Variants in GALNT18 observed in about 807,000 individuals in gnomAD.
GALNT18 encodes GalNAc-transferase 18.
A neutral mutation model predicts 69.5 loss-of-function variants in GALNT18; 44 were observed. The ratio of observed to expected loss-of-function variants is 0.63; its 90% CI spans 0.50 to 0.81. The LOEUF (loss-of-function observed/expected upper bound fraction) is 0.81, where lower values mean the gene tolerates loss of function less well. GALNT18 is among the 40% of genes least tolerant of loss of function. The pLI is 0.00. For missense variants in GALNT18, 715 were observed against 810.0 expected, an observed-to-expected ratio of 0.88 and a Z score of 1.42; for synonymous variants, 364 against 318.2, an observed-to-expected ratio of 1.14 and a Z score of -1.53.
chr11:11,425,728 T>A (rs1855114551), intron 3 of GALNT18, among the ~76,000 whole-genome samples: 1 of 152,224 alleles, frequency 6.6e-6, no homozygotes, highest in Non-Finnish European at 1.5e-5. Flanking sequence ...GGGCACTTGC[T>A]CTGTGCCAGG....
chr11:11,277,694 T>C (rs1040126431), intron 10 of GALNT18, among the ~76,000 whole-genome samples: 2 of 152,230 alleles, frequency 1.3e-5, no homozygotes, highest in African/African-American at 4.8e-5. Flanking sequence ...GATTCTGGTA[T>C]GTTGTGTCTT....
rs1422012542 is a variant in GALNT18, at chr11:11,621,292, C to A, written c.235+67G>T. On this transcript the variant is annotated intron_variant, in intron 1 of 10. Coordinates refer to ENST00000227756, the MANE Select transcript of GALNT18 (RefSeq NM_198516.3). This position sits in a 1 kb window ranked among gnomAD's most constrained non-coding sequence, Gnocchi z 9.3. ...CTGAGTTGATGCGCACCAGCCCCAG[C>A]GCACCCCGCGCCGCGCGGGGCACTC... is the stretch of plus-strand genomic sequence containing the variant. The A allele has an allele frequency of 1.2e-5, 16 of 1,341,668 alleles. No homozygotes were observed. The highest frequency in any genetic ancestry group is 2.1e-4 in the Middle Eastern group (1 of 4,714). The allele number at this position is 1,341,668 out of a possible 1,614,324, so 83.1% of individuals were successfully genotyped here. A position where few individuals can be genotyped will look rare whatever the true frequency, so the allele number is the denominator to read the frequency against.
rs187407773 is a variant in GALNT18, at chr11:11,277,291, T to A, written c.1678-6001A>T. On this transcript the variant is annotated intron_variant, in intron 10 of 10. Coordinates refer to ENST00000227756, the MANE Select transcript of GALNT18 (RefSeq NM_198516.3). Reference sequence around the variant, plus strand: ...CCATTTCTTCTAGATTTTCTAGTTTTTTTGTGTAGAGGTGTTTACAGTATT... The same window carrying A: ...CCATTTCTTCTAGATTTTCTAGTTTATTTGTGTAGAGGTGTTTACAGTATT... Among the ~76,000 whole-genome samples the A allele has an allele frequency of 2.9e-3, 444 of 152,304 alleles. 4 individuals are homozygous for A. Among genetic ancestry groups the A allele is most frequent in the African/African-American group, 9.9e-3 (413 of 41,562 alleles).
rs1343881505 is a variant in GALNT18 at position 11,606,690 on chromosome 11, C to G, written c.235+14669G>C. On this transcript the variant is annotated intron_variant, in intron 1 of 10. Transcript: ENST00000227756. The surrounding 1 kb of genome is among the most constrained non-coding windows in gnomAD (Gnocchi z 5.4). ...GCCCACCTCTTTGTCCCATAAGCACCTGGTTTCATCTGAGGACAAACAAGT... is the reference window on the plus strand; with the variant it reads ...GCCCACCTCTTTGTCCCATAAGCACGTGGTTTCATCTGAGGACAAACAAGT... Among the ~76,000 whole-genome samples, 2 of 152,140 alleles carry G rather than the reference C, an allele frequency of 1.3e-5. No homozygotes were observed. Among genetic ancestry groups the G allele is most frequent in the African/African-American group, 2.4e-5 (1 of 41,442 alleles).
chr11:11,412,575 C>T (rs1854756010), intron 3 of GALNT18, among the ~76,000 whole-genome samples: 1 of 152,224 alleles, frequency 6.6e-6, no homozygotes, highest in South Asian at 2.1e-4. Flanking sequence ...CAAGGTCTAA[C>T]CCTGGTCTCT....
chr11:11,293,011 G>A lies in GALNT18; in HGVS notation c.1677+18C>T, dbSNP rs182930467. 766 of 1,350,886 alleles carry A rather than the reference G, an allele frequency of 5.7e-4. 4 individuals carry two copies. The African/African-American group carries it at 9.7e-3, about 17-fold the overall frequency. 83.7% of individuals were successfully genotyped at this position (1,350,886 alleles called of 1,614,324 possible). A position where few individuals can be genotyped will look rare whatever the true frequency, so the allele number is the denominator to read the frequency against. ...TTCCACGATGGCTGCCACTGTGCCC[G>A]GGCTCTGGGGCTGTTACCTGAGAGA... On this transcript the variant is annotated intron_variant, in intron 10 of 10. Coordinates refer to ENST00000227756, the MANE Select transcript of GALNT18 (RefSeq NM_198516.3).
chr11:11,492,431 A>G (rs1029385313), intron 1 of GALNT18, among the ~76,000 whole-genome samples: 14 of 152,246 alleles, frequency 9.2e-5, no homozygotes, highest in African/African-American at 2.4e-5. Flanking sequence ...CAACAGAGAA[A>G]AGCACAGGGT....
At chr11:11,594,365 G>A (rs1259469813) in intron 1 of GALNT18, among the ~76,000 whole-genome samples, 1 of 152,174 alleles carries the variant, frequency 6.6e-6, no homozygotes, top group Non-Finnish European at 1.5e-5. Flanking sequence ...CAATTCAATG[G>A]TTTTTAGTTG....
intron 9 of GALNT18, among the ~76,000 whole-genome samples, chr11:11,293,609 C>T (rs981467478): frequency 4.9e-5 from 6 of 123,320 alleles, no homozygotes; most frequent in Non-Finnish European, 7.9e-5. Context: ...GGCGCTATTT[C>T]GGCTCACTGC....
chr11:11,473,670 A>G (rs115971985), intron 1 of GALNT18, among the ~76,000 whole-genome samples: 2 of 151,982 alleles, frequency 1.3e-5, no homozygotes, highest in East Asian at 1.9e-4. Flanking sequence ...GTATGCACAC[A>G]GGGGGAGAGA....
At chr11:11,483,543 T>C (rs1856580282) in intron 1 of GALNT18, among the ~76,000 whole-genome samples, 1 of 152,186 alleles carries the variant, frequency 6.6e-6, no homozygotes, top group South Asian at 2.1e-4. Context: ...GGCAGATGGA[T>C]CTGAAAATGT....
chr11:11,569,815 C>G (rs1453645391), intron 1 of GALNT18, among the ~76,000 whole-genome samples: 1 of 151,954 alleles, frequency 6.6e-6, no homozygotes, highest in Non-Finnish European at 1.5e-5. Flanking sequence ...ACATGGAGAT[C>G]ACAAAACAGG....
At chr11:11,571,915 C>A (rs1858801839) in intron 1 of GALNT18, among the ~76,000 whole-genome samples, 1 of 152,200 alleles carries the variant, frequency 6.6e-6, no homozygotes. Context: ...TGTCCCTCTG[C>A]CCTGGGGAAA....
chr11:11,326,753 G>C (rs1849926814), intron 9 of GALNT18, among the ~76,000 whole-genome samples: 1 of 152,192 alleles, frequency 6.6e-6, no homozygotes, highest in African/African-American at 2.4e-5. Context: ...GGAGCAGCTT[G>C]GTTGTCAGAG....
At chr11:11,327,297 C>T (rs1849940296) in intron 8 of GALNT18, 116 bp from the exon 9 acceptor site, 4 of 789,844 alleles carry the variant, frequency 5.1e-6, no homozygotes, top group Non-Finnish European at 8.4e-6. Context: ...ATAATCAGCC[C>T]AAGGCCCTTG....
rs1859250057 is a variant in GALNT18 at position 11,587,278 on chromosome 11, G to A, written c.235+34081C>T. Among the ~76,000 whole-genome samples the A allele has an allele frequency of 6.6e-6, 1 of 152,214 alleles. No individual in the cohort carries two copies. The highest frequency in any genetic ancestry group is 2.4e-5 in the African/African-American group (1 of 41,452). On this transcript the variant is annotated intron_variant, in intron 1 of 10. Coordinates refer to ENST00000227756, the MANE Select transcript of GALNT18 (RefSeq NM_198516.3). This position sits in a 1 kb window ranked among gnomAD's most constrained non-coding sequence, Gnocchi z 4.4. ...ACTTTCTCAGAAATGAGGAAACTTG[G>A]AGGCAATTTGAGACTTGGGCTGAAA...
intron 1 of GALNT18, among the ~76,000 whole-genome samples, chr11:11,548,892 A>G (rs1391141914): frequency 6.6e-6 from 1 of 152,230 alleles, no homozygotes; most frequent in Non-Finnish European, 1.5e-5. Flanking sequence ...CTTCATCTAC[A>G]CTTTCACTCA....
At chr11:11,504,663 T>A (rs953573640) in intron 1 of GALNT18, among the ~76,000 whole-genome samples, 3 of 151,860 alleles carry the variant, frequency 2.0e-5, no homozygotes, top group Non-Finnish European at 2.9e-5. Flanking sequence ...GAGGCTGAGG[T>A]AGGAGGATCA....
In GALNT18 at chr11:11,497,309, G is replaced by A. The variant is rs879213341; in HGVS notation, c.236-48373C>T. Among the ~76,000 whole-genome samples the A allele has an allele frequency of 1.7e-5, 2 of 119,674 alleles. No individual in the cohort carries two copies. The highest frequency in any genetic ancestry group is 8.4e-5 in the Admixed American group (1 of 11,846). 78.5% of individuals were successfully genotyped at this position (119,674 alleles called of 152,430 possible). On this transcript the variant is annotated intron_variant, in intron 1 of 10. Coordinates refer to ENST00000227756, the MANE Select transcript of GALNT18 (RefSeq NM_198516.3). The surrounding 1 kb of genome is among the most constrained non-coding windows in gnomAD (Gnocchi z 4.2). The stretch of plus-strand genomic sequence containing the variant: ...TAAAATTATCCTACTTATTATTTAT[G>A]TTTTACCTCCTGTCTCCAACACACA...
Sources: gnomAD v4.1 joint callset for allele counts (sites outside exome capture counted in the v4.1 genomes callset) on GRCh38, gnomAD v4.1.1 for gene constraint, Gnocchi (gnomAD v3.1) non-coding constraint, MANE v1.5 for transcripts, NCBI Gene and HGNC (gene_info 2026-07-23, HGNC 2026-07-21) for gene names.